ZNF124: variants seen among roughly 807,000 people sequenced by gnomAD.
ZNF124 encodes the protein zinc finger protein 124.
In ZNF124, 25 loss-of-function variants were observed where a neutral mutation model predicts 26.6. That is an observed-to-expected ratio of 0.94 (90% CI 0.68 to 1.31). ZNF124 has a LOEUF of 1.31. Among genes scored for constraint, ZNF124 ranks in the 40% most tolerant of loss-of-function variants. The pLI is 0.00. For missense variants in ZNF124, 444 were observed against 422.2 expected, an observed-to-expected ratio of 1.05 and a Z score of -0.45; for synonymous variants, 129 against 133.3, an observed-to-expected ratio of 0.97 and a Z score of 0.22.
At chr1:247,128,877 C>T (rs575362045) in intron 3 of ZNF124, among the ~76,000 whole-genome samples, 5,324 of 142,256 alleles carry the variant, frequency 0.037, 215 homozygotes, top group Middle Eastern at 0.08. Context: ...AGTACTTCCC[C>T]CAGCAGGATG....
chr1:247,133,234 A>G (rs1012607787), intron 3 of ZNF124, among the ~76,000 whole-genome samples: 3 of 152,096 alleles, frequency 2.0e-5, no homozygotes, highest in African/African-American at 7.2e-5. Flanking sequence ...GCAGACAAGA[A>G]GAGAGAAAAA....
At position 247,170,511 on chromosome 1, in the gene ZNF124, A is replaced by G. The variant is rs1674047085; in HGVS notation, c.30+1337T>C. Among the ~76,000 whole-genome samples the G allele has an allele frequency of 2.0e-5, 3 of 146,924 alleles. 1 individual carries two copies. The highest frequency in any genetic ancestry group is 1.3e-4 in the Admixed American group (2 of 14,956). ...CCAGTACCCTTGTGGAAATAATTAA[A>G]TAGGAAGAAATTAGACTGAAGTTGT... On this transcript the variant is annotated intron_variant, in intron 1 of 3. Coordinates refer to ENST00000543802, the MANE Select transcript of ZNF124 (RefSeq NM_001297568.2).
At chr1:247,123,967 T>C (rs78802037) in intron 3 of ZNF124, 202,740 of 694,626 alleles carry the variant, frequency 0.29, 30,614 homozygotes, top group African/African-American at 0.37. Context: ...TAGCTGGGAC[T>C]ACAGGCACCC....
Position 247,159,187 on chromosome 1 carries a change from C to A in ZNF124, c.158-121G>T. 3 of 841,644 alleles carry A rather than the reference C, an allele frequency of 3.6e-6. No individual in the cohort carries two copies. The South Asian group carries it at 5.8e-5, about 16-fold the overall frequency. 52.1% of individuals were successfully genotyped at this position (841,644 alleles called of 1,614,324 possible). A position where few individuals can be genotyped will look rare whatever the true frequency, so the allele number is the denominator to read the frequency against. ...ACCAAAATGAATGCTGTAATTTGGT[C>A]ATCAATATGGCAACATTGTTTGTGT... is the stretch of plus-strand genomic sequence containing the variant. On this transcript the variant is annotated intron_variant, in intron 2 of 3. Transcript: ENST00000543802.
chr1:247,159,979 CTTTT>C (rs1212199135), intron 1 of ZNF124, 166 bp from the exon 2 acceptor site: 2,208 of 147,150 alleles, frequency 0.015, 1 homozygote, highest in South Asian at 0.028. Context: ...CATAGCAGTT[CTTTT>C]TTTTTTTTTT....
chr1:247,138,321 G>T lies in ZNF124; in HGVS notation c.219-14450C>A, dbSNP rs10465621. 443 of 155,836 alleles carry T rather than the reference G, an allele frequency of 2.8e-3. 1 individual carries two copies. Among genetic ancestry groups the T allele is most frequent in the African/African-American group, 0.01 (428 of 41,712 alleles). 9.7% of individuals were successfully genotyped at this position (155,836 alleles called of 1,614,324 possible). Reference sequence around the variant, plus strand: ...AAGGAATGAGATCATGTGCTTTGCAGGGACATGGATGAAGCTGGAAGTCAT... The same window carrying T: ...AAGGAATGAGATCATGTGCTTTGCATGGACATGGATGAAGCTGGAAGTCAT... On this transcript the variant is annotated intron_variant, in intron 3 of 3. Transcript: ENST00000472531.
At chr1:247,141,520 G>A (rs1008335584) in intron 3 of ZNF124, among the ~76,000 whole-genome samples, 2 of 152,092 alleles carry the variant, frequency 1.3e-5, no homozygotes, top group Admixed American at 6.5e-5. Context: ...TTAAGCTTGG[G>A]TGTAGCTCTC....
At chr1:247,140,732 A>AG (rs1323961961) in intron 3 of ZNF124, among the ~76,000 whole-genome samples, 6 of 152,148 alleles carry the variant, frequency 3.9e-5, no homozygotes, top group Non-Finnish European at 7.4e-5. Flanking sequence ...GGGGAATGCT[A>AG]GCAAGGTGTT....
At chr1:247,130,693 T>G (rs1361830281) in intron 3 of ZNF124, among the ~76,000 whole-genome samples, 2 of 152,256 alleles carry the variant, frequency 1.3e-5, no homozygotes, top group Non-Finnish European at 2.9e-5. Context: ...GAAATGTAAG[T>G]GCCTTGCAAT....
At chr1:247,151,439 A>C (rs191363309), downstream of ZNF124, among the ~76,000 whole-genome samples, 1 of 150,186 alleles carries the variant, frequency 6.7e-6, no homozygotes, top group Non-Finnish European at 1.5e-5. Flanking sequence ...AGATCGCGCC[A>C]CTGCACTCCA....
intron 3 of ZNF124, among the ~76,000 whole-genome samples, chr1:247,143,756 T>C (rs773149232): frequency 6.6e-6 from 1 of 152,214 alleles, no homozygotes; most frequent in Non-Finnish European, 1.5e-5. Context: ...ATTGATAAGA[T>C]TCGTCTCTAG....
At chr1:247,145,020 C>T (rs1331072101) in intron 3 of ZNF124, among the ~76,000 whole-genome samples, 3 of 152,104 alleles carry the variant, frequency 2.0e-5, no homozygotes, top group Non-Finnish European at 4.4e-5. Context: ...GTGATCCACC[C>T]GCCTCGGCCT....
intron 3 of ZNF124, among the ~76,000 whole-genome samples, chr1:247,132,253 C>CA (rs1359191271): frequency 6.6e-6 from 1 of 151,978 alleles, no homozygotes; most frequent in Non-Finnish European, 1.5e-5. Flanking sequence ...ACAACAACAA[C>CA]AAAAAAGGCC....
At chr1:247,135,847 C>A (rs1300388248) in intron 3 of ZNF124, among the ~76,000 whole-genome samples, 1 of 152,218 alleles carries the variant, frequency 6.6e-6, no homozygotes, top group Non-Finnish European at 1.5e-5. Context: ...AAGTTAGCTT[C>A]ATTACTGGGA....
intron 3 of ZNF124, among the ~76,000 whole-genome samples, chr1:247,147,289 C>T (rs980113613): frequency 1.5e-4 from 22 of 149,808 alleles, no homozygotes; most frequent in East Asian, 3.9e-4. Flanking sequence ...TCCAGTGGCA[C>T]GATCTCAGCC....
intron 3 of ZNF124, among the ~76,000 whole-genome samples, chr1:247,130,385 T>A (rs920123304): frequency 9.2e-5 from 14 of 152,210 alleles, no homozygotes; most frequent in African/African-American, 3.4e-4. Context: ...AGGGACACTG[T>A]CTTCCATTAT....
chr1:247,124,450 C>T (rs146071075), intron 3 of ZNF124, among the ~76,000 whole-genome samples: 3 of 151,776 alleles, frequency 2.0e-5, no homozygotes, highest in Middle Eastern at 3.4e-3. Context: ...ATCTACCCGC[C>T]GCGGCTTCCC....
At chr1:247,165,852 ATCTT>A (rs1426544546) in intron 1 of ZNF124, among the ~76,000 whole-genome samples, 1 of 152,188 alleles carries the variant, frequency 6.6e-6, no homozygotes, top group African/African-American at 2.4e-5. Flanking sequence ...ATGAGATACC[ATCTT>A]ATACCAGTCA....
In ZNF124 at chr1:247,168,920, A is replaced by T. The variant is rs1673935305; in HGVS notation, c.30+2928T>A. Reference sequence around the variant, plus strand: ...GTACACTGATAAGGTGACAGGACCAAAATCTCAGCAATCACCACTAGAGAG... The same window carrying T: ...GTACACTGATAAGGTGACAGGACCATAATCTCAGCAATCACCACTAGAGAG... On this transcript the variant is annotated intron_variant, in intron 1 of 3. Transcript: ENST00000543802. This position sits in a 1 kb window ranked among gnomAD's most constrained non-coding sequence, Gnocchi z 4.0. Among the ~76,000 whole-genome samples the T allele has an allele frequency of 6.6e-6, 1 of 152,158 alleles. No individual in the cohort carries two copies.
Sources: gnomAD v4.1 joint callset for allele counts (sites outside exome capture counted in the v4.1 genomes callset) on GRCh38, gnomAD v4.1.1 for gene constraint, Gnocchi (gnomAD v3.1) non-coding constraint, MANE v1.5 for transcripts, NCBI Gene and HGNC (gene_info 2026-07-23, HGNC 2026-07-21) for gene names.